CAPZB: variants seen among roughly 807,000 people sequenced by gnomAD.
CAPZB encodes the protein F-actin-capping protein subunit beta.
CAPZB carries 2 observed loss-of-function variants against 38.1 expected under a neutral mutation model. The ratio of observed to expected loss-of-function variants is 0.05; its 90% confidence interval spans 0.02 to 0.17. CAPZB has a LOEUF of 0.17. CAPZB is among the 10% of genes least tolerant of loss of function. CAPZB has a pLI of 1.00. For missense variants in CAPZB, 161 were observed against 334.2 expected (o/e 0.48, Z 4.04); for synonymous variants, 107 against 127.4 (o/e 0.84, Z 1.08).
At chr1:19,460,192 C>T (rs1312808409) in intron 1 of CAPZB, among the ~76,000 whole-genome samples, 2 of 152,256 alleles carry the variant, frequency 1.3e-5, no homozygotes, top group East Asian at 3.8e-4. Flanking sequence ...GCAAAAGTTA[C>T]AGCCACAGTG....
intron 1 of CAPZB, among the ~76,000 whole-genome samples, chr1:19,452,196 C>T (rs1335306035): frequency 1.3e-5 from 2 of 152,076 alleles, no homozygotes; most frequent in Admixed American, 1.3e-4. Context: ...GACTCAGCTC[C>T]TTCCTGCCAG....
At chr1:19,427,938 TAAAAGTA>T (rs1558252432) in intron 1 of CAPZB, among the ~76,000 whole-genome samples, 1 of 152,178 alleles carries the variant, frequency 6.6e-6, no homozygotes, top group African/African-American at 2.4e-5. Flanking sequence ...CCATGCAACA[TAAAAGTA>T]ACCATTCTAG....
In CAPZB at chr1:19,450,659, C is replaced by T. The variant is rs574299333; in HGVS notation, c.4-30909G>A. Among the ~76,000 whole-genome samples, 231 of 148,084 alleles carry T rather than the reference C, an allele frequency of 1.6e-3. 1 individual carries two copies. The Middle Eastern group carries it at 0.024, about 16-fold the overall frequency. ...AGCTGGAAGCCTGGTTCCAGAGACC[C>T]AGGTGAATCCCAAAAAAGAGAAGCT... is the stretch of plus-strand genomic sequence containing the variant. On this transcript the variant is annotated intron_variant, in intron 1 of 8. Transcript: ENST00000264202.
intron 1 of CAPZB, among the ~76,000 whole-genome samples, chr1:19,436,806 A>C (rs1427630808): frequency 6.6e-6 from 1 of 152,266 alleles, no homozygotes; most frequent in African/African-American, 2.4e-5. Flanking sequence ...GTCAACAGAA[A>C]AGAGGAAGAA....
At chr1:19,459,806 A>G (rs913129226) in intron 1 of CAPZB, among the ~76,000 whole-genome samples, 5 of 152,216 alleles carry the variant, frequency 3.3e-5, no homozygotes, top group African/African-American at 1.2e-4. Context: ...TCTGAGTAGC[A>G]TGATGACATC....
chr1:19,481,731 G>C (rs1475704773), intron 1 of CAPZB, among the ~76,000 whole-genome samples: 2 of 152,200 alleles, frequency 1.3e-5, no homozygotes, highest in East Asian at 3.8e-4. Context: ...GCAGACACAA[G>C]AGAAGACACA....
At chr1:19,386,013 A>G (rs1481449849) in intron 2 of CAPZB, among the ~76,000 whole-genome samples, 3 of 152,226 alleles carry the variant, frequency 2.0e-5, no homozygotes, top group African/African-American at 7.2e-5. Flanking sequence ...ACAGGAATCT[A>G]AAGAACTCGG....
intron 8 of CAPZB, among the ~76,000 whole-genome samples, chr1:19,341,012 C>T (rs1202896424): frequency 6.6e-6 from 1 of 152,000 alleles, no homozygotes; most frequent in African/African-American, 2.4e-5. Context: ...GAAGCAGGGC[C>T]CAGGAGAAGC....
At chr1:19,471,017 G>A (rs1330238174) in intron 1 of CAPZB, among the ~76,000 whole-genome samples, 1 of 152,146 alleles carries the variant, frequency 6.6e-6, no homozygotes, top group Admixed American at 6.5e-5. Flanking sequence ...ACCCCCAGTG[G>A]ATGCCTGAAA....
intron 1 of CAPZB, among the ~76,000 whole-genome samples, chr1:19,452,797 T>C (rs954787880): frequency 1.7e-4 from 25 of 148,346 alleles, no homozygotes; most frequent in East Asian, 3.9e-4. Context: ...TTCTTTCTTT[T>C]TTTTTTTTTT....
At chr1:19,388,683 T>C (rs1258854035) in intron 2 of CAPZB, among the ~76,000 whole-genome samples, 2 of 152,176 alleles carry the variant, frequency 1.3e-5, no homozygotes, top group Non-Finnish European at 2.9e-5. Flanking sequence ...AGCCACAGCA[T>C]TGGTGGAAAG....
chr1:19,440,638 G>C lies in CAPZB; in HGVS notation c.4-20888C>G, dbSNP rs529310730. ...GGAAGGGACTTGGGCAGACATCCAA[G>C]CTGAGGTCCCCTGGGCAGAGTGACT... On this transcript the variant is annotated intron_variant, in intron 1 of 8. Transcript: ENST00000264202. Among the ~76,000 whole-genome samples, 3 of 152,298 alleles carry C rather than the reference G, an allele frequency of 2.0e-5. No homozygotes were observed. In the East Asian group the frequency reaches 5.8e-4, roughly 29 times the overall value.
chr1:19,435,391 G>C lies in CAPZB; in HGVS notation c.4-15641C>G, dbSNP rs117040140. On this transcript the variant is annotated intron_variant, in intron 1 of 8. Coordinates refer to ENST00000264202, the MANE Select transcript of CAPZB (RefSeq NM_004930.5). ...AAAGAAAGGGAAGCAACAAGTTCCA[G>C]TTCCAAAATAGCTTTTTGATAACTA... 4.9e-4 allele frequency among the ~76,000 whole-genome samples: 75 copies of C among 152,264 alleles called. 1 individual carries two copies. In the East Asian group the frequency reaches 0.013, roughly 27 times the overall value.
chr1:19,350,256 G>C (rs1012723319), intron 6 of CAPZB, among the ~76,000 whole-genome samples: 2 of 152,292 alleles, frequency 1.3e-5, no homozygotes, highest in Admixed American at 6.5e-5. Context: ...CTCCTGTGCT[G>C]CAGCCCGAGA....
chr1:19,460,997 C>T (rs186612298), intron 1 of CAPZB, among the ~76,000 whole-genome samples: 3 of 151,740 alleles, frequency 2.0e-5, no homozygotes, highest in African/African-American at 7.3e-5. Flanking sequence ...CTGAGCTCAG[C>T]CTCCCTCTCT....
chr1:19,385,549 C>T lies in CAPZB; in HGVS notation c.171G>A (p.Lys57=). 1.9e-6 allele frequency: 3 copies of T among 1,613,970 alleles called. No homozygotes were observed. Among genetic ancestry groups the T allele is most frequent in the Non-Finnish European group, 1.7e-6 (2 of 1,180,018 alleles). ...LKIARDKVVG[K]DYLLCDYNRD... is the part of the protein sequence containing the mutation. ...TGTTGTAGTCACACAAAAGGTAATCCTTTCCCACCACCTTGTCTCTGGCAA... is the reference window on the plus strand; with the variant it reads ...TGTTGTAGTCACACAAAAGGTAATCTTTTCCCACCACCTTGTCTCTGGCAA... The change falls in exon 3 of 9, where the codon AAG becomes AAA. Residue 57 remains lysine, a synonymous_variant. Transcript: ENST00000264202.
At chr1:19,442,829 G>C (rs10917451) in intron 1 of CAPZB, among the ~76,000 whole-genome samples, 31,961 of 151,978 alleles carry the variant, frequency 0.21, 4,156 homozygotes, top group Non-Finnish European at 0.28. Context: ...TTGTTTTTAG[G>C]AAAGTTCCGT....
intron 6 of CAPZB, among the ~76,000 whole-genome samples, chr1:19,346,817 C>CTTT (rs34733600): frequency 1.0e-3 from 88 of 84,090 alleles, no homozygotes; most frequent in South Asian, 3.2e-3. Context: ...CGACTTTTGT[C>CTTT]TTTTTTTTTT....
At chr1:19,451,458 C>T (rs2094515742) in intron 1 of CAPZB, among the ~76,000 whole-genome samples, 1 of 152,134 alleles carries the variant, frequency 6.6e-6, no homozygotes, top group Non-Finnish European at 1.5e-5. Flanking sequence ...TCCCCACCGG[C>T]ATGTGGTAGA....
Sources: allele counts gnomAD v4.1 joint callset (sites outside exome capture counted in the v4.1 genomes callset), GRCh38; gene constraint gnomAD v4.1.1; transcripts MANE v1.5; gene names NCBI Gene and HGNC (gene_info 2026-07-23, HGNC 2026-07-21).